Variants in ANTXR1 observed in about 807,000 individuals in gnomAD.
ANTXR1 encodes anthrax toxin receptor 1.
Under a neutral mutation model 78.1 loss-of-function variants are expected in ANTXR1, and 19 were observed. That is an observed-to-expected ratio of 0.24 (90% confidence interval 0.17 to 0.36). The LOEUF is 0.36. Among genes scored for constraint, ANTXR1 ranks in the 10% least tolerant of loss-of-function variants. The pLI, the probability that ANTXR1 is intolerant of heterozygous loss-of-function variation, is 1.00. For synonymous variants in ANTXR1, 273 were observed against 260.5 expected (o/e 1.05, Z -0.46); for missense variants, 518 against 718.6 (o/e 0.72, Z 3.19).
At chr2:69,129,818 T>C (rs1672674277) in intron 12 of ANTXR1, among the ~76,000 whole-genome samples, 1 of 151,452 alleles carries the variant, frequency 6.6e-6, no homozygotes, top group African/African-American at 2.4e-5. Context: ...GTAAATGCCA[T>C]AGGATTTCAG....
At chr2:69,163,842 T>C (rs1673751685) in intron 13 of ANTXR1, among the ~76,000 whole-genome samples, 1 of 152,212 alleles carries the variant, frequency 6.6e-6, no homozygotes, top group Non-Finnish European at 1.5e-5. Context: ...TGGCGCCGAA[T>C]ACTGTCACCT....
In ANTXR1 at chr2:69,149,746, G is replaced by A. The variant is rs538092365; in HGVS notation, c.952-2423G>A. Among the ~76,000 whole-genome samples the A allele has an allele frequency of 1.3e-4, 20 of 152,278 alleles. No homozygotes were observed. In the South Asian group the frequency reaches 3.1e-3, roughly 24 times the overall value. ...ATAGCTTACATCATTTTATCCCCAC[G>A]TCAATGCAGTGAGGCAAGTGAGGTT... On this transcript the variant is annotated intron_variant, in intron 12 of 17. Transcript: ENST00000303714.
chr2:69,124,438 TG>T (rs1204856386), intron 11 of ANTXR1, 126 bp from the exon 12 acceptor site: 84 of 841,628 alleles, frequency 1.0e-4, no homozygotes, highest in Non-Finnish European at 1.7e-4. Flanking sequence ...CCTCCTCCCC[TG>T]GAGAAGAGAC....
At chr2:69,025,878 A>G (rs1226530831) in intron 1 of ANTXR1, among the ~76,000 whole-genome samples, 1 of 152,174 alleles carries the variant, frequency 6.6e-6, no homozygotes, top group African/African-American at 2.4e-5. Flanking sequence ...TGGATTTTAA[A>G]TTATATGGTC....
chr2:69,161,325 T>TAAATAGTCTCAGTC (rs1673677414), intron 13 of ANTXR1, among the ~76,000 whole-genome samples: 1 of 152,176 alleles, frequency 6.6e-6, no homozygotes, highest in Non-Finnish European at 1.5e-5. Flanking sequence ...TTGGGCCTTT[T>TAAATAGTCTCAGTC]AAATAGTCTC....
chr2:69,077,336 C>A (rs900777393), intron 7 of ANTXR1, 72 bp from the exon 8 acceptor site: 11 of 1,552,210 alleles, frequency 7.1e-6, no homozygotes, highest in East Asian at 4.5e-5. Flanking sequence ...TTAGCCCCAA[C>A]GGCTTTCCTA....
chr2:69,149,161 T>C (rs1673318635), intron 12 of ANTXR1, among the ~76,000 whole-genome samples: 1 of 152,144 alleles, frequency 6.6e-6, no homozygotes, highest in African/African-American at 2.4e-5. Context: ...GAGGATAAAG[T>C]TCCTCAAGAA....
At chr2:69,066,847 C>T (rs919002813) in intron 3 of ANTXR1, among the ~76,000 whole-genome samples, 1 of 152,188 alleles carries the variant, frequency 6.6e-6, no homozygotes, top group African/African-American at 2.4e-5. Context: ...CACTGGCAGA[C>T]ATGTGAAACC....
At chr2:69,099,487 G>A (rs1671541953) in intron 9 of ANTXR1, among the ~76,000 whole-genome samples, 1 of 152,180 alleles carries the variant, frequency 6.6e-6, no homozygotes, top group Non-Finnish European at 1.5e-5. Flanking sequence ...GGGTCATAAG[G>A]TAACTGTGTT....
rs188406612 is a variant in ANTXR1, at chr2:69,168,488, C to T, written c.1048-1760C>T. ...TCATAGCACCGTGGAGACAAAAGCC[C>T]TCTGCTCAGCACCAAACCTCTTCAC... On this transcript the variant is annotated intron_variant, in intron 13 of 17. Coordinates refer to ENST00000303714, the MANE Select transcript of ANTXR1 (RefSeq NM_032208.3). Among the ~76,000 whole-genome samples, 253 of 152,304 alleles carry T rather than the reference C, an allele frequency of 1.7e-3. 3 individuals are homozygous for T. Among genetic ancestry groups the T allele is most frequent in the Non-Finnish European group, 4.3e-4 (29 of 68,018 alleles).
chr2:69,215,068 C>T (rs1481227374), intron 17 of ANTXR1, among the ~76,000 whole-genome samples: 1 of 152,174 alleles, frequency 6.6e-6, no homozygotes, highest in Non-Finnish European at 1.5e-5. Flanking sequence ...CATGGATGGG[C>T]GAACCCAATT....
At chr2:69,163,366 A>C (rs1320833924) in intron 13 of ANTXR1, among the ~76,000 whole-genome samples, 1 of 151,970 alleles carries the variant, frequency 6.6e-6, no homozygotes, top group Non-Finnish European at 1.5e-5. Context: ...CCATGAAAGT[A>C]CTATTCTGCT....
intron 13 of ANTXR1, among the ~76,000 whole-genome samples, chr2:69,169,571 C>T (rs776359971): frequency 6.6e-6 from 1 of 152,266 alleles, no homozygotes; most frequent in Admixed American, 6.5e-5. Context: ...CTCCCAATTA[C>T]TTGCCCATCC....
chr2:69,229,165 G>A (rs1675531002), intron 17 of ANTXR1, among the ~76,000 whole-genome samples: 1 of 152,172 alleles, frequency 6.6e-6, no homozygotes. Flanking sequence ...GGAGGCTGAG[G>A]CTTCAACACA....
chr2:69,181,754 T>C, intron 14 of ANTXR1, 32 bp from the exon 15 acceptor site: 2 of 1,608,550 alleles, frequency 1.2e-6, no homozygotes, highest in Non-Finnish European at 1.7e-6. Flanking sequence ...AGTGCTGTTT[T>C]GCTTCCTTCA....
At chr2:69,032,425 G>A (rs62135614) in intron 1 of ANTXR1, among the ~76,000 whole-genome samples, 62,575 of 151,424 alleles carry the variant, frequency 0.41, 17,839 homozygotes, top group African/African-American at 0.78. Context: ...TTTGTGATAC[G>A]ATATTTGTAA....
intron 12 of ANTXR1, among the ~76,000 whole-genome samples, chr2:69,133,524 T>G (rs1410832684): frequency 6.6e-6 from 1 of 152,096 alleles, no homozygotes; most frequent in African/African-American, 2.4e-5. Context: ...CGGGAAGCCA[T>G]TTGAGGGAAG....
rs548701918 is a variant in ANTXR1 at position 69,072,961 on chromosome 2, G to A, written c.413-61G>A. ...TCGTAAGAGGTTGAATCCTGGGACT[G>A]AGAGGGTGTTTCCTTGGGTGGAGCA... On this transcript the variant is annotated intron_variant, in intron 5 of 17. Transcript: ENST00000303714. 156,243 of 1,501,220 alleles carry A rather than the reference G, an allele frequency of 0.1. 9,209 individuals carry two copies. Among genetic ancestry groups the A allele is most frequent in the East Asian group, 0.2 (8,913 of 44,300 alleles). The allele number at this position is 1,501,220 out of a possible 1,614,324, so 93.0% of individuals were successfully genotyped here. A position where few individuals can be genotyped will look rare whatever the true frequency, so the allele number is the denominator to read the frequency against.
At chr2:69,177,230 G>A (rs1247446474) in intron 14 of ANTXR1, among the ~76,000 whole-genome samples, 1 of 152,220 alleles carries the variant, frequency 6.6e-6, no homozygotes, top group African/African-American at 2.4e-5. Context: ...CAACATTAAG[G>A]GATGGGTAGA....
Sources: allele counts gnomAD v4.1 joint callset (sites outside exome capture counted in the v4.1 genomes callset), GRCh38; gene constraint gnomAD v4.1.1; transcripts MANE v1.5; gene names NCBI Gene and HGNC (gene_info 2026-07-23, HGNC 2026-07-21).